Variants in NKAIN2 observed in about 807,000 individuals in gnomAD.
NKAIN2 encodes sodium/potassium transporting ATPase interacting 2.
A neutral mutation model predicts 32.6 loss-of-function variants in NKAIN2; 14 were observed. The ratio of observed to expected loss-of-function variants is 0.43; its 90% CI spans 0.28 to 0.67. The LOEUF is 0.67. Ranked by LOEUF, NKAIN2 falls within the 30% of genes least tolerant of loss-of-function variation. The probability of loss-of-function intolerance (pLI) is 0.17; values close to 1 mark genes in which losing one functional copy is unlikely to be tolerated. For missense variants in NKAIN2, 198 were observed against 258.3 expected, an observed-to-expected ratio of 0.77 and a Z score of 1.60; for synonymous variants, 80 against 87.2, an observed-to-expected ratio of 0.92 and a Z score of 0.46.
intron 1 of NKAIN2, among the ~76,000 whole-genome samples, chr6:124,168,719 A>C (rs1788696996): frequency 6.6e-6 from 1 of 152,106 alleles, no homozygotes; most frequent in African/African-American, 2.4e-5. Context: ...TATTATCTTG[A>C]AAGGAGAATC....
chr6:124,045,266 T>C (rs1378198035), intron 1 of NKAIN2, among the ~76,000 whole-genome samples: 1 of 152,006 alleles, frequency 6.6e-6, no homozygotes, highest in Non-Finnish European at 1.5e-5. Flanking sequence ...TGTATGATGT[T>C]GATGCATTTT....
chr6:124,052,710 A>G (rs920238980), intron 1 of NKAIN2, among the ~76,000 whole-genome samples: 1 of 152,140 alleles, frequency 6.6e-6, no homozygotes, highest in Non-Finnish European at 1.5e-5. Context: ...ACCCTCAGTT[A>G]TCTTACCAAA....
chr6:124,484,680 C>T (rs867904717), intron 3 of NKAIN2, among the ~76,000 whole-genome samples: 1 of 152,252 alleles, frequency 6.6e-6, no homozygotes, highest in South Asian at 2.1e-4. Flanking sequence ...TGCATGCCCA[C>T]ATTCATATAT....
At chr6:124,636,822 C>G (rs1287287292) in intron 3 of NKAIN2, among the ~76,000 whole-genome samples, 1 of 151,886 alleles carries the variant, frequency 6.6e-6, no homozygotes, top group Non-Finnish European at 1.5e-5. Context: ...TTTTAAAGAA[C>G]TAAAACCAAT....
intron 1 of NKAIN2, among the ~76,000 whole-genome samples, chr6:123,891,981 G>A (rs534564195): frequency 2.2e-4 from 34 of 152,278 alleles, no homozygotes; most frequent in Middle Eastern, 3.4e-3. Flanking sequence ...CTTTGGAGCA[G>A]ATCTGTGGAT....
intron 3 of NKAIN2, among the ~76,000 whole-genome samples, chr6:124,402,925 AACCTGC>A (rs776563486): frequency 6.6e-6 from 1 of 152,090 alleles, no homozygotes; most frequent in Non-Finnish European, 1.5e-5. Context: ...CTATATAACA[AACCTGC>A]ACCTATACCC....
chr6:124,606,932 G>A (rs566763383), intron 3 of NKAIN2, among the ~76,000 whole-genome samples: 5 of 152,214 alleles, frequency 3.3e-5, no homozygotes, highest in African/African-American at 1.2e-4. Context: ...ACATAAATAG[G>A]AGATTAATAA....
At chr6:123,914,214 CGAGAGA>C (rs35122780) in intron 1 of NKAIN2, among the ~76,000 whole-genome samples, 9 of 150,010 alleles carry the variant, frequency 6.0e-5, no homozygotes, top group African/African-American at 9.8e-5. Context: ...TTGTGTATGA[CGAGAGA>C]GAGAGAGACA....
intron 1 of NKAIN2, among the ~76,000 whole-genome samples, chr6:124,222,777 C>G (rs918251964): frequency 3.3e-5 from 5 of 152,110 alleles, no homozygotes; most frequent in Non-Finnish European, 5.9e-5. Flanking sequence ...GGCGGAGAAT[C>G]AATGCGTCTC....
chr6:124,493,651 C>T (rs972406460), intron 3 of NKAIN2, among the ~76,000 whole-genome samples: 1 of 145,206 alleles, frequency 6.9e-6, no homozygotes, highest in African/African-American at 2.5e-5. Flanking sequence ...TATATCTCTA[C>T]ATCTCTCCAC....
chr6:124,351,753 G>A (rs1444009088), intron 2 of NKAIN2, among the ~76,000 whole-genome samples: 1 of 151,874 alleles, frequency 6.6e-6, no homozygotes, highest in African/African-American at 2.4e-5. Flanking sequence ...CTCCCTAGTA[G>A]CTGGGATTAC....
intron 4 of NKAIN2, among the ~76,000 whole-genome samples, chr6:124,674,571 C>G (rs139047161): frequency 1.3e-5 from 2 of 152,038 alleles, no homozygotes; most frequent in African/African-American, 2.4e-5. Context: ...ACAAGCCTTT[C>G]ATATCATTTG....
At chr6:123,823,738 G>A (rs1179846089) in intron 1 of NKAIN2, among the ~76,000 whole-genome samples, 1 of 152,104 alleles carries the variant, frequency 6.6e-6, no homozygotes, top group Non-Finnish European at 1.5e-5. Context: ...GTTGGAGAAG[G>A]ATCAGGTAGT....
At chr6:124,713,644 A>C (rs530885836) in intron 4 of NKAIN2, among the ~76,000 whole-genome samples, 1 of 152,336 alleles carries the variant, frequency 6.6e-6, no homozygotes, top group Admixed American at 6.5e-5. Context: ...TGTGCATAAA[A>C]AATCAGAGCT....
At chr6:124,315,491 C>T (rs12214721) in intron 2 of NKAIN2, among the ~76,000 whole-genome samples, 2,787 of 152,218 alleles carry the variant, frequency 0.018, 36 homozygotes, top group Non-Finnish European at 0.03. Context: ...AAGCAATTGA[C>T]ATGTGTAAAA....
At chr6:124,585,749 AT>A (rs995072670) in intron 3 of NKAIN2, among the ~76,000 whole-genome samples, 50 of 152,304 alleles carry the variant, frequency 3.3e-4, no homozygotes, top group African/African-American at 1.2e-3. Context: ...CACTTATTAA[AT>A]TTTTTGTTCT....
At chr6:124,604,430 G>T (rs1400251650) in intron 3 of NKAIN2, among the ~76,000 whole-genome samples, 1 of 151,478 alleles carries the variant, frequency 6.6e-6, no homozygotes, top group Non-Finnish European at 1.5e-5. Context: ...GCATTTTCAG[G>T]GTTTTAAAAA....
At chr6:124,239,215 A>G (rs1391781852) in intron 1 of NKAIN2, among the ~76,000 whole-genome samples, 1 of 152,174 alleles carries the variant, frequency 6.6e-6, no homozygotes, top group African/African-American at 2.4e-5. Flanking sequence ...TCATAAATAT[A>G]TATGCACCCA....
intron 5 of NKAIN2, among the ~76,000 whole-genome samples, chr6:124,809,333 TC>T (rs1308236407): frequency 6.7e-6 from 1 of 149,770 alleles, no homozygotes; most frequent in African/African-American, 2.5e-5. Context: ...ACGCCACATA[TC>T]TACAACTATC....
Sources: gnomAD v4.1 joint callset for allele counts (sites outside exome capture counted in the v4.1 genomes callset) on GRCh38, gnomAD v4.1.1 for gene constraint, MANE v1.5 for transcripts, NCBI Gene and HGNC (gene_info 2026-07-23, HGNC 2026-07-21) for gene names.